YWHAE: variants seen among roughly 807,000 people sequenced by gnomAD.
The protein encoded by YWHAE is 14-3-3 protein epsilon.
YWHAE carries 4 observed loss-of-function variants against 30.1 expected under a neutral mutation model. The ratio of observed to expected loss-of-function variants is 0.13; its 90% CI spans 0.07 to 0.30. The LOEUF (loss-of-function observed/expected upper bound fraction) is 0.30. YWHAE is among the 10% of genes least tolerant of loss of function. The probability of loss-of-function intolerance (pLI) is 1.00; values close to 1 mark genes in which losing one functional copy is unlikely to be tolerated. For synonymous variants in YWHAE, 118 were observed against 111.8 expected, an observed-to-expected ratio of 1.06 and a Z score of -0.35; for missense variants, 121 against 315.9, an observed-to-expected ratio of 0.38 and a Z score of 4.68.
At chr17:1,349,616 G>A (rs1218800438) in intron 5 of YWHAE, among the ~76,000 whole-genome samples, 1 of 128,514 alleles carries the variant, frequency 7.8e-6, no homozygotes, top group Non-Finnish European at 1.7e-5. Flanking sequence ...AATTTCACTA[G>A]ATTTTTTTTT....
At chr17:1,364,141 CAGTA>C (rs2072906881) in intron 2 of YWHAE, among the ~76,000 whole-genome samples, 1 of 151,356 alleles carries the variant, frequency 6.6e-6, no homozygotes, top group African/African-American at 2.4e-5. Flanking sequence ...TATACACCCA[CAGTA>C]AGTAAAATAA....
At chr17:1,371,766 C>T (rs1325023400) in intron 1 of YWHAE, among the ~76,000 whole-genome samples, 1 of 152,010 alleles carries the variant, frequency 6.6e-6, no homozygotes, top group African/African-American at 2.4e-5. Context: ...GGTGTGGTCA[C>T]CATCAATAAT....
intron 2 of YWHAE, among the ~76,000 whole-genome samples, chr17:1,363,934 T>TA (rs1361974946): frequency 2.0e-5 from 3 of 152,144 alleles, no homozygotes; most frequent in Non-Finnish European, 4.4e-5. Flanking sequence ...GTAGAATGGT[T>TA]AGCAGCACCC....
chr17:1,359,967 A>G (rs1475398418), intron 4 of YWHAE, among the ~76,000 whole-genome samples: 1 of 138,780 alleles, frequency 7.2e-6, no homozygotes, highest in Non-Finnish European at 1.6e-5. Context: ...GGGGAGAGAG[A>G]GAGAGAGAGA....
intron 4 of YWHAE, among the ~76,000 whole-genome samples, chr17:1,357,959 A>G (rs1306758267): frequency 6.6e-6 from 1 of 152,064 alleles, no homozygotes; most frequent in African/African-American, 2.4e-5. Flanking sequence ...AGACAATAGC[A>G]AAAAACAACA....
chr17:1,399,145 G>A (rs919494914), intron 1 of YWHAE: 2 of 152,134 alleles, frequency 1.3e-5, no homozygotes, highest in Admixed American at 6.6e-5. Flanking sequence ...GGGGGACGGA[G>A]GCTCGGGCTC....
At chr17:1,377,155 C>G (rs9916716) in intron 1 of YWHAE, among the ~76,000 whole-genome samples, 74,785 of 151,870 alleles carry the variant, frequency 0.49, 19,760 homozygotes, top group African/African-American at 0.68. Context: ...CTCAGGTGAT[C>G]CACCTGCCTC....
chr17:1,368,495 CAG>C (rs947482454), intron 1 of YWHAE, among the ~76,000 whole-genome samples: 2 of 150,050 alleles, frequency 1.3e-5, no homozygotes, highest in African/African-American at 4.9e-5. Context: ...ACCCCGGAGA[CAG>C]GGGTTGCACT....
intron 1 of YWHAE, among the ~76,000 whole-genome samples, chr17:1,378,434 C>A (rs1482528190): frequency 1.3e-5 from 2 of 152,214 alleles, no homozygotes; most frequent in Non-Finnish European, 2.9e-5. Context: ...TTACTGATTT[C>A]TAAAAGGTCC....
intron 5 of YWHAE, among the ~76,000 whole-genome samples, chr17:1,345,989 T>TG (rs974816054): frequency 2.0e-5 from 3 of 152,180 alleles, no homozygotes; most frequent in Admixed American, 6.5e-5. Context: ...TATTTTATTG[T>TG]GGGGTTCTGC....
In YWHAE at chr17:1,345,496, T is replaced by C; in HGVS notation, c.719A>G (p.Glu240Gly). ...CTGCAGCGCTTCTTTATTCTGCTCT[T>C]CACCTGTTAAAAAAGAAAAAAAGTC... is the stretch of plus-strand genomic sequence containing the variant. ...LWTSDMQGDG[E>G]EQNKEALQDV... is the part of the protein sequence containing the mutation. Residue 240 changes from glutamate (E) to glycine (G), a missense_variant, in exon 6 of 6, where the codon GAA becomes GGA. Coordinates refer to ENST00000264335, the MANE Select transcript of YWHAE (RefSeq NM_006761.5). The C allele has an allele frequency of 7.4e-6, 12 of 1,613,726 alleles. No homozygotes were observed. Among genetic ancestry groups the C allele is most frequent in the Non-Finnish European group, 1.0e-5 (12 of 1,179,866 alleles).
At chr17:1,389,794 T>C (rs1342366380) in intron 1 of YWHAE, among the ~76,000 whole-genome samples, 2 of 152,074 alleles carry the variant, frequency 1.3e-5, no homozygotes, top group African/African-American at 4.8e-5. Flanking sequence ...CCTCCCAAAG[T>C]CCTGGGATTA....
intron 1 of YWHAE, among the ~76,000 whole-genome samples, chr17:1,371,047 G>C (rs752994695): frequency 6.6e-6 from 1 of 151,990 alleles, no homozygotes; most frequent in Non-Finnish European, 1.5e-5. Context: ...AACTACATCA[G>C]AGCTCCAGGG....
intron 1 of YWHAE, among the ~76,000 whole-genome samples, chr17:1,380,996 G>A (rs1225785533): frequency 2.0e-5 from 3 of 152,182 alleles, no homozygotes; most frequent in Non-Finnish European, 2.9e-5. Context: ...TGATTAGACT[G>A]TAACTCTTCC....
chr17:1,370,671 T>C (rs528412154), intron 1 of YWHAE, among the ~76,000 whole-genome samples: 1 of 152,062 alleles, frequency 6.6e-6, no homozygotes, highest in East Asian at 1.9e-4. Flanking sequence ...CCTCAGGTGA[T>C]CTGCCTACCT....
intron 1 of YWHAE, chr17:1,399,375 C>G (rs2073528742): frequency 6.6e-6 from 1 of 152,418 alleles, no homozygotes; most frequent in Non-Finnish European, 1.5e-5. Flanking sequence ...GAAAGAAACC[C>G]GATCGCAGCA....
Position 1,344,946 on chromosome 17 carries a change from T to G in YWHAE, c.*501A>C. ...AGCAAAACCATTACAACGAAGTCCCTCCCCAAACCACCTTTAACCATCTCA... is the reference window on the plus strand; with the variant it reads ...AGCAAAACCATTACAACGAAGTCCCGCCCCAAACCACCTTTAACCATCTCA... On this transcript the variant is annotated 3_prime_UTR_variant, in exon 6 of 6. Transcript: ENST00000264335. 4.3e-6 allele frequency: 1 copy of G among 234,286 alleles called. No individual in the cohort carries two copies. The highest frequency in any genetic ancestry group is 8.5e-6 in the Non-Finnish European group (1 of 118,040). The allele number at this position is 234,286 out of a possible 1,614,324, so 14.5% of individuals were successfully genotyped here.
At chr17:1,370,925 G>A (rs147225481) in intron 1 of YWHAE, among the ~76,000 whole-genome samples, 4,812 of 151,490 alleles carry the variant, frequency 0.032, 120 homozygotes, top group Non-Finnish European at 0.05. Flanking sequence ...GTGTGAACCC[G>A]GGAGGCGGAG....
chr17:1,353,370 G>A lies in YWHAE; in HGVS notation c.715+841C>T, dbSNP rs547551901. Among the ~76,000 whole-genome samples the A allele has an allele frequency of 1.2e-3, 175 of 149,570 alleles. 1 individual carries two copies. The highest frequency in any genetic ancestry group is 4.1e-3 in the African/African-American group (165 of 40,438). ...GGAGAATGGTGTAAACCCAGGAGAC[G>A]GAGCTTGCAGTGAGCCAAGATCGCG... On this transcript the variant is annotated intron_variant, in intron 5 of 5. Coordinates refer to ENST00000264335, the MANE Select transcript of YWHAE (RefSeq NM_006761.5).
Sources: gnomAD v4.1 joint callset for allele counts (sites outside exome capture counted in the v4.1 genomes callset) on GRCh38, gnomAD v4.1.1 for gene constraint, MANE v1.5 for transcripts, NCBI Gene and HGNC (gene_info 2026-07-23, HGNC 2026-07-21) for gene names.